The following ZBTB16 variants were observed in gnomAD, a reference collection of about 807,000 sequenced individuals.
ZBTB16 encodes zinc finger and BTB domain-containing protein 16.
Under a neutral mutation model 56.8 loss-of-function variants are expected in ZBTB16, and 8 were observed. The ratio of observed to expected loss-of-function variants is 0.14; its 90% CI spans 0.08 to 0.25. The LOEUF is 0.25. Among genes scored for constraint, ZBTB16 ranks in the 10% least tolerant of loss-of-function variants. The pLI, the probability that ZBTB16 is intolerant of heterozygous loss-of-function variation, is 1.00. For synonymous variants in ZBTB16, 363 were observed against 368.5 expected, an observed-to-expected ratio of 0.98 and a Z score of 0.17; for missense variants, 625 against 903.0, an observed-to-expected ratio of 0.69 and a Z score of 3.95.
Position 114,182,346 on chromosome 11 carries a change from G to A in ZBTB16, c.1367-4606G>A, listed in dbSNP as rs138852344. Among the ~76,000 whole-genome samples, 1,385 of 152,218 alleles carry A rather than the reference G, an allele frequency of 9.1e-3. 14 individuals carry two copies. The highest frequency in any genetic ancestry group is 0.015 in the Non-Finnish European group (1,002 of 68,006). ...ATTACAGGCGTGAGCCATTGTGTCC[G>A]GCCCTCTTCATTTAATTTATTTCTC... On this transcript the variant is annotated intron_variant, in intron 3 of 6. Transcript: ENST00000335953.
chr11:114,141,103 G>A (rs967443001), intron 2 of ZBTB16, among the ~76,000 whole-genome samples: 2 of 152,186 alleles, frequency 1.3e-5, no homozygotes, highest in African/African-American at 4.8e-5. Context: ...CCTGCCCACT[G>A]TGGATAAGCC....
At chr11:114,238,524 T>C (rs1944641330) in intron 4 of ZBTB16, among the ~76,000 whole-genome samples, 2 of 151,948 alleles carry the variant, frequency 1.3e-5, no homozygotes, top group South Asian at 2.1e-4. Context: ...GGGCCCTCTT[T>C]TACAAGGACA....
At chr11:114,086,239 G>A (rs1182154996) in intron 2 of ZBTB16, among the ~76,000 whole-genome samples, 3 of 152,160 alleles carry the variant, frequency 2.0e-5, no homozygotes, top group African/African-American at 7.2e-5. Flanking sequence ...AGGAGAGTGG[G>A]ATTTGGAACG....
chr11:114,218,129 G>A (rs1944149381), intron 4 of ZBTB16, among the ~76,000 whole-genome samples: 1 of 152,204 alleles, frequency 6.6e-6, no homozygotes, highest in Non-Finnish European at 1.5e-5. Context: ...CAGGGGGATT[G>A]GATGGGCAGT....
At chr11:114,193,799 G>A (rs1943551169) in intron 4 of ZBTB16, among the ~76,000 whole-genome samples, 1 of 152,132 alleles carries the variant, frequency 6.6e-6, no homozygotes, top group Non-Finnish European at 1.5e-5. Flanking sequence ...TGGAGACCCT[G>A]GGACAGTAAA....
At chr11:114,083,902 A>G (rs1309210930) in intron 2 of ZBTB16, among the ~76,000 whole-genome samples, 3 of 152,074 alleles carry the variant, frequency 2.0e-5, no homozygotes, top group Non-Finnish European at 4.4e-5. Context: ...AGTTCCTCTC[A>G]TGATTCTTAT....
intron 2 of ZBTB16, among the ~76,000 whole-genome samples, chr11:114,151,049 C>T (rs1412841935): frequency 6.6e-6 from 1 of 152,154 alleles, no homozygotes; most frequent in Non-Finnish European, 1.5e-5. Context: ...TAGGTCATGG[C>T]TGGGATCTTA....
chr11:114,120,358 C>T (rs1941307202), intron 2 of ZBTB16, among the ~76,000 whole-genome samples: 2 of 152,244 alleles, frequency 1.3e-5, no homozygotes, highest in Admixed American at 6.5e-5. Context: ...GGTTAAAGAC[C>T]GCCTTAGCGA....
In ZBTB16 at chr11:114,101,274, G is replaced by A. The variant is rs57276189; in HGVS notation, c.1268+36706G>A. ...CCCTCCTTGTCCTCTTAAAGTGCTGGGATTACAGGTGTGAGCCACAGCGCG... is the reference window on the plus strand; with the variant it reads ...CCCTCCTTGTCCTCTTAAAGTGCTGAGATTACAGGTGTGAGCCACAGCGCG... On this transcript the variant is annotated intron_variant, in intron 2 of 6. Transcript: ENST00000335953. 7.2e-3 allele frequency among the ~76,000 whole-genome samples: 1,090 copies of A among 152,172 alleles called. 14 individuals are homozygous for A. Among genetic ancestry groups the A allele is most frequent in the African/African-American group, 0.024 (1,003 of 41,504 alleles).
intron 4 of ZBTB16, among the ~76,000 whole-genome samples, chr11:114,234,956 GGTTGCCCATGCTGGA>G (rs1261957029): frequency 1.3e-5 from 2 of 152,154 alleles, no homozygotes. Flanking sequence ...TGGTCACGAA[GGTTGCCCATGCTGGA>G]GATGGTGTCT....
rs548847787 is a variant in ZBTB16 at position 114,208,769 on chromosome 11, T to C, written c.1453+21731T>C. On this transcript the variant is annotated intron_variant, in intron 4 of 6. Coordinates refer to ENST00000335953, the MANE Select transcript of ZBTB16 (RefSeq NM_006006.6). Reference sequence around the variant, plus strand: ...CAAGAGCAAGTTAACCACTATTGTTTGGAATGATAGAGAAAATAATGAGGG... The same window carrying C: ...CAAGAGCAAGTTAACCACTATTGTTCGGAATGATAGAGAAAATAATGAGGG... 7.2e-5 allele frequency among the ~76,000 whole-genome samples: 11 copies of C among 152,316 alleles called. No homozygotes were observed. The South Asian group carries it at 2.3e-3, about 32-fold the overall frequency.
chr11:114,213,157 C>T (rs957333014), intron 4 of ZBTB16, among the ~76,000 whole-genome samples: 19 of 152,000 alleles, frequency 1.3e-4, no homozygotes, highest in Admixed American at 5.2e-4. Flanking sequence ...TGTAGGGAAA[C>T]ATTGTCCCTC....
At chr11:114,246,700 G>A (rs1352599746) in intron 5 of ZBTB16, 1 of 168,514 alleles carries the variant, frequency 5.9e-6, no homozygotes, top group Non-Finnish European at 1.3e-5. Flanking sequence ...AGAAGAAATC[G>A]AGCAGAGGAA....
chr11:114,131,776 C>T (rs750400979), intron 2 of ZBTB16, among the ~76,000 whole-genome samples: 28 of 152,122 alleles, frequency 1.8e-4, no homozygotes, highest in Non-Finnish European at 1.0e-4. Context: ...GACAATCTGA[C>T]GATGACAGAC....
chr11:114,180,975 G>T (rs1943234103), intron 3 of ZBTB16: 1 of 152,226 alleles, frequency 6.6e-6, no homozygotes, highest in Non-Finnish European at 1.5e-5. Flanking sequence ...TGACATATTG[G>T]TTCGATGGCA....
intron 2 of ZBTB16, among the ~76,000 whole-genome samples, chr11:114,113,239 C>T (rs1027445388): frequency 6.6e-6 from 1 of 152,200 alleles, no homozygotes; most frequent in Non-Finnish European, 1.5e-5. Context: ...GTATAACAAC[C>T]ATTTATAAGT....
intron 2 of ZBTB16, among the ~76,000 whole-genome samples, chr11:114,086,746 T>C (rs1343994758): frequency 2.0e-5 from 3 of 152,252 alleles, no homozygotes; most frequent in Non-Finnish European, 4.4e-5. Flanking sequence ...GGACTTCTTG[T>C]TTCATTTGCC....
chr11:114,216,254 G>T (rs911095960), intron 4 of ZBTB16, among the ~76,000 whole-genome samples: 3 of 152,226 alleles, frequency 2.0e-5, no homozygotes, highest in African/African-American at 4.8e-5. Context: ...ATGCAGAAGT[G>T]TCCCTGTTCT....
At chr11:114,096,790 T>A (rs1940429704) in intron 2 of ZBTB16, among the ~76,000 whole-genome samples, 1 of 152,232 alleles carries the variant, frequency 6.6e-6, no homozygotes, top group Non-Finnish European at 1.5e-5. Flanking sequence ...AGCGACATTG[T>A]TGACTTCAGT....
Sources: allele counts gnomAD v4.1 joint callset (sites outside exome capture counted in the v4.1 genomes callset), GRCh38; gene constraint gnomAD v4.1.1; transcripts MANE v1.5; gene names NCBI Gene and HGNC (gene_info 2026-07-23, HGNC 2026-07-21).